The following TMPRSS15 variants were observed in gnomAD, a reference collection of about 807,000 sequenced individuals.
TMPRSS15 encodes enteropeptidase.
In TMPRSS15, 128 loss-of-function variants were observed where a neutral mutation model predicts 125.3. That is an observed-to-expected ratio of 1.02 (90% confidence interval 0.89 to 1.18). The LOEUF is 1.18. TMPRSS15 is among the 50% of genes most tolerant of loss of function. TMPRSS15 has a pLI of 0.00. For synonymous variants in TMPRSS15, 446 were observed against 423.2 expected, an observed-to-expected ratio of 1.05 and a Z score of -0.66; for missense variants, 1,283 against 1,212.7, an observed-to-expected ratio of 1.06 and a Z score of -0.86.
intron 1 of TMPRSS15, among the ~76,000 whole-genome samples, chr21:18,472,678 G>C (rs1490977259): frequency 6.6e-6 from 1 of 151,694 alleles, no homozygotes; most frequent in East Asian, 1.9e-4. Flanking sequence ...GAATTAGAAA[G>C]GAAATATTTG....
At chr21:18,388,927 T>A (rs1395064525) in intron 3 of TMPRSS15, among the ~76,000 whole-genome samples, 1 of 152,092 alleles carries the variant, frequency 6.6e-6, no homozygotes. Flanking sequence ...GCTAAGAGAT[T>A]ATACACTCTG....
chr21:18,391,044 G>A (rs1258487822), intron 3 of TMPRSS15, among the ~76,000 whole-genome samples: 1 of 152,072 alleles, frequency 6.6e-6, no homozygotes, highest in Non-Finnish European at 1.5e-5. Context: ...GTGGGAAACT[G>A]CCTTCATGAC....
chr21:18,285,184 G>A (rs2074748191), intron 21 of TMPRSS15, among the ~76,000 whole-genome samples: 1 of 152,126 alleles, frequency 6.6e-6, no homozygotes, highest in Non-Finnish European at 1.5e-5. Context: ...AAAAAAAGAT[G>A]CTTTTTTCCC....
chr21:18,303,766 G>A (rs910425990), intron 18 of TMPRSS15, among the ~76,000 whole-genome samples: 3 of 152,104 alleles, frequency 2.0e-5, no homozygotes, highest in African/African-American at 7.2e-5. Flanking sequence ...CATAAAAGAT[G>A]TTCTCCCTCT....
At chr21:18,329,089 CATTA>C (rs959290508) in intron 15 of TMPRSS15, 76 bp downstream of exon 15, 3 of 1,520,688 alleles carry the variant, frequency 2.0e-6, no homozygotes, top group African/African-American at 1.5e-5. Context: ...AGAGTGATTA[CATTA>C]ATTAAGAAAC....
intron 18 of TMPRSS15, among the ~76,000 whole-genome samples, chr21:18,310,465 C>CA (rs372759891): frequency 3.4e-4 from 51 of 149,472 alleles, no homozygotes; most frequent in South Asian, 2.8e-3. Flanking sequence ...ACAACAATCA[C>CA]AAAAAAAAAC....
intron 1 of TMPRSS15, among the ~76,000 whole-genome samples, chr21:18,425,927 A>G (rs1166561464): frequency 2.0e-5 from 3 of 152,180 alleles, no homozygotes; most frequent in Non-Finnish European, 2.9e-5. Flanking sequence ...ATAGAAAAAC[A>G]TTAACATTGA....
At chr21:18,460,248 T>G (rs1236435613) in intron 1 of TMPRSS15, among the ~76,000 whole-genome samples, 1 of 152,186 alleles carries the variant, frequency 6.6e-6, no homozygotes, top group Admixed American at 6.6e-5. Context: ...GTTCAATATT[T>G]CACCATTAAA....
intron 5 of TMPRSS15, among the ~76,000 whole-genome samples, chr21:18,373,455 T>G (rs1219558892): frequency 6.6e-6 from 1 of 152,002 alleles, no homozygotes; most frequent in East Asian, 1.9e-4. Context: ...TAAATAATAA[T>G]AAAAATATTA....
chr21:18,419,061 G>T (rs941693137), intron 1 of TMPRSS15, among the ~76,000 whole-genome samples: 4 of 152,144 alleles, frequency 2.6e-5, no homozygotes, highest in African/African-American at 9.7e-5. Context: ...GGTAGAAACA[G>T]CCAACTTTAA....
chr21:18,480,085 G>T (rs1444598484), intron 1 of TMPRSS15, among the ~76,000 whole-genome samples: 3 of 152,008 alleles, frequency 2.0e-5, no homozygotes, highest in Admixed American at 6.6e-5. Flanking sequence ...CATGTCCTTT[G>T]CAGGGACATG....
chr21:18,479,296 C>T (rs1978936816), intron 1 of TMPRSS15, among the ~76,000 whole-genome samples: 1 of 151,844 alleles, frequency 6.6e-6, no homozygotes, highest in Non-Finnish European at 1.5e-5. Context: ...AATGCATATA[C>T]ACTAATTTTA....
In TMPRSS15 at chr21:18,453,619, C is replaced by CT. The variant is rs1361261803; in HGVS notation, c.10+32179dup. 5.3e-5 allele frequency among the ~76,000 whole-genome samples: 8 copies of CT among 152,198 alleles called. No homozygotes were observed. In the South Asian group the frequency reaches 1.0e-3, roughly 20 times the overall value. ...CTCCCTCAAAAAATTAAAAATAGAA[C>CT]TACTGTATGATTCAGCAATCCCACT... On this transcript the variant is annotated intron_variant, in intron 1 of 7. Transcript: ENST00000422787.
In TMPRSS15 at chr21:18,468,169, G is replaced by A. The variant is rs890277104; in HGVS notation, c.10+17630C>T. Among the ~76,000 whole-genome samples, 4 of 152,202 alleles carry A rather than the reference G, an allele frequency of 2.6e-5. No individual in the cohort carries two copies. The East Asian group carries it at 7.7e-4, about 29-fold the overall frequency. On this transcript the variant is annotated intron_variant, in intron 1 of 7. Transcript: ENST00000422787. ...TTTTTAGATCCTTAGAGATTTGGAA[G>A]GCTTACAATGACTATTGACCATCCC...
chr21:18,354,987 T>G lies in TMPRSS15; in HGVS notation c.881-1124A>C, dbSNP rs143274663. Among the ~76,000 whole-genome samples the G allele has an allele frequency of 5.9e-3, 895 of 151,390 alleles. 13 individuals are homozygous for G. Among genetic ancestry groups the G allele is most frequent in the African/African-American group, 0.02 (835 of 40,986 alleles). ...AACAATGTGATACATACAATGGAAT[T>G]TCAACATAATCTAATAGAAAGGACA... On this transcript the variant is annotated intron_variant, in intron 8 of 24. Transcript: ENST00000284885.
intron 1 of TMPRSS15, among the ~76,000 whole-genome samples, chr21:18,427,816 C>T (rs2076206634): frequency 6.7e-6 from 1 of 150,068 alleles, no homozygotes; most frequent in Non-Finnish European, 1.5e-5. Flanking sequence ...AAGAATTTTC[C>T]ACTATGTTAT....
intron 10 of TMPRSS15, among the ~76,000 whole-genome samples, chr21:18,351,805 A>T (rs1042428975): frequency 1.3e-5 from 2 of 152,204 alleles, no homozygotes; most frequent in Non-Finnish European, 2.9e-5. Context: ...GGTAAAAAGA[A>T]ACAAATAAGT....
At chr21:18,279,223 A>G (rs1471097267) in intron 22 of TMPRSS15, among the ~76,000 whole-genome samples, 164 bp from the exon 23 acceptor site, 1 of 150,694 alleles carries the variant, frequency 6.6e-6, no homozygotes, top group African/African-American at 2.4e-5. Flanking sequence ...GTCTTAGGGG[A>G]AATAGGCATT....
intron 5 of TMPRSS15, among the ~76,000 whole-genome samples, chr21:18,373,825 T>C (rs2075815259): frequency 6.6e-6 from 1 of 152,204 alleles, no homozygotes; most frequent in South Asian, 2.1e-4. Context: ...TCATACCACT[T>C]GGACTTGACT....
Sources: gnomAD v4.1 joint callset for allele counts (sites outside exome capture counted in the v4.1 genomes callset) on GRCh38, gnomAD v4.1.1 for gene constraint, MANE v1.5 for transcripts, NCBI Gene and HGNC (gene_info 2026-07-23, HGNC 2026-07-21) for gene names.